Variants in DCC observed in about 807,000 individuals in gnomAD.
The protein encoded by DCC is netrin receptor DCC.
DCC carries 58 observed loss-of-function variants against 172.5 expected under a neutral mutation model. The ratio of observed to expected loss-of-function variants is 0.34; its 90% CI spans 0.27 to 0.42. The LOEUF (loss-of-function observed/expected upper bound fraction) is 0.42, where lower values mean the gene tolerates loss of function less well. Among genes scored for constraint, DCC ranks in the 10% least tolerant of loss-of-function variants. The pLI, the probability that DCC is intolerant of heterozygous loss-of-function variation, is 1.00. For missense variants in DCC, 1,740 were observed against 1,791.0 expected (o/e 0.97, Z 0.51); for synonymous variants, 709 against 644.5 (o/e 1.10, Z -1.52).
intron 15 of DCC, among the ~76,000 whole-genome samples, chr18:53,368,288 TG>T (rs2058026428): frequency 6.6e-6 from 1 of 152,168 alleles, no homozygotes; most frequent in South Asian, 2.1e-4. Context: ...TTAGGCTGTT[TG>T]TATTTGATGT....
intron 12 of DCC, among the ~76,000 whole-genome samples, chr18:53,294,291 A>G (rs958430256): frequency 1.3e-5 from 2 of 152,236 alleles, no homozygotes; most frequent in Non-Finnish European, 2.9e-5. Context: ...TTGGGGATGA[A>G]CAGGCATGGA....
intron 5 of DCC, among the ~76,000 whole-genome samples, chr18:52,941,525 T>C (rs1014619179): frequency 6.6e-6 from 1 of 151,798 alleles, no homozygotes; most frequent in African/African-American, 2.4e-5. Context: ...TACACACTTG[T>C]ATGCATATAT....
intron 2 of DCC, among the ~76,000 whole-genome samples, chr18:52,755,385 G>A (rs8086144): frequency 0.11 from 16,025 of 152,208 alleles, 2,820 homozygotes; most frequent in African/African-American, 0.37. Flanking sequence ...CCTTCGCTGT[G>A]AGATATTAAA....
At chr18:53,022,542 T>C (rs1460374170) in intron 5 of DCC, among the ~76,000 whole-genome samples, 1 of 144,560 alleles carries the variant, frequency 6.9e-6, no homozygotes, top group African/African-American at 2.6e-5. Flanking sequence ...TATATATATG[T>C]GCGTGTGTGT....
chr18:52,859,939 AAGAT>A (rs1432659496), intron 2 of DCC, among the ~76,000 whole-genome samples: 3 of 152,192 alleles, frequency 2.0e-5, no homozygotes, highest in African/African-American at 4.8e-5. Context: ...GATAAGCAAA[AAGAT>A]AAATAAATAA....
chr18:53,270,676 C>T (rs8093553), intron 12 of DCC, among the ~76,000 whole-genome samples: 5,066 of 152,068 alleles, frequency 0.033, 287 homozygotes, highest in African/African-American at 0.11. Context: ...ATTAGCCCCT[C>T]GATACCATAT....
rs534195182 is a variant in DCC at position 53,380,846 on chromosome 18, C to T, written c.2360-5197C>T. On this transcript the variant is annotated intron_variant, in intron 15 of 28. Transcript: ENST00000442544. ...CCATTGCAAGTGTGTTTACTTTTTACGGGGCTAAGCTGTTACCACTTTTTG... is the reference window on the plus strand; with the variant it reads ...CCATTGCAAGTGTGTTTACTTTTTATGGGGCTAAGCTGTTACCACTTTTTG... 5.3e-5 allele frequency among the ~76,000 whole-genome samples: 8 copies of T among 152,210 alleles called. No individual in the cohort carries two copies. The South Asian group carries it at 6.2e-4, about 12-fold the overall frequency.
chr18:53,499,350 G>T lies in DCC; in HGVS notation c.3951G>T (p.Gln1317His), dbSNP rs1598810746. 1 of 1,614,014 alleles carries T rather than the reference G, an allele frequency of 6.2e-7. No individual in the cohort carries two copies. The highest frequency in any genetic ancestry group is 8.5e-7 in the Non-Finnish European group (1 of 1,179,994). ...AACCACCTATGCTGCCCCCATCTCAGCCTGAGCATTCTAGCAGCGAGGAGG... is the reference window on the plus strand; with the variant it reads ...AACCACCTATGCTGCCCCCATCTCATCCTGAGCATTCTAGCAGCGAGGAGG... ...TQQPPMLPPS[Q>H]PEHSSSEEAP... The change falls in exon 27 of 29, where the codon CAG becomes CAT. Residue 1317 changes from glutamine to histidine, a missense_variant. By Grantham distance (24) the Gln-to-His change is conservative. This residue lies in a region of DCC where 1,732 missense variants were observed against 1,767.4 expected (regional missense o/e 0.98). Transcript: ENST00000442544.
chr18:52,423,666 CA>C (rs1181454873), intron 1 of DCC, among the ~76,000 whole-genome samples: 1 of 152,046 alleles, frequency 6.6e-6, no homozygotes, highest in Non-Finnish European at 1.5e-5. Flanking sequence ...GGGTTGTTTT[CA>C]AATCAAACTT....
chr18:52,728,662 T>C lies in DCC; in HGVS notation c.92-23392T>C, dbSNP rs1048333060. Among the ~76,000 whole-genome samples the C allele has an allele frequency of 8.5e-5, 13 of 152,338 alleles. No individual in the cohort carries two copies. The East Asian group carries it at 2.5e-3, about 29-fold the overall frequency. On this transcript the variant is annotated intron_variant, in intron 1 of 28. Transcript: ENST00000442544. ...AGTCTCTGGATGTAGAGAATTACAA[T>C]GTGCCTCTGTTATGTCATTTTATTT... is the stretch of plus-strand genomic sequence containing the variant.
chr18:52,606,102 A>G (rs1222712035), intron 1 of DCC, among the ~76,000 whole-genome samples: 1 of 152,066 alleles, frequency 6.6e-6, no homozygotes, highest in African/African-American at 2.4e-5. Flanking sequence ...CCTGGAAGTG[A>G]CCCATAGTAA....
At chr18:53,433,606 A>G (rs144131295) in intron 21 of DCC, among the ~76,000 whole-genome samples, 25 of 152,264 alleles carry the variant, frequency 1.6e-4, no homozygotes, top group Middle Eastern at 3.4e-3. Context: ...CGTTGATCTC[A>G]CGATGTCTCG....
At chr18:52,911,365 C>T (rs545134280) in intron 3 of DCC, among the ~76,000 whole-genome samples, 1 of 152,134 alleles carries the variant, frequency 6.6e-6, no homozygotes, top group Non-Finnish European at 1.5e-5. Flanking sequence ...AAGGGAAGAA[C>T]TGTCTGTACA....
chr18:53,115,470 A>C (rs1181172796), intron 7 of DCC, among the ~76,000 whole-genome samples: 1 of 151,354 alleles, frequency 6.6e-6, no homozygotes, highest in East Asian at 2.0e-4. Context: ...TAGTGACTTA[A>C]TTGAATGAAA....
At chr18:52,348,969 C>T (rs1028957570) in intron 1 of DCC, among the ~76,000 whole-genome samples, 1 of 152,070 alleles carries the variant, frequency 6.6e-6, no homozygotes, top group African/African-American at 2.4e-5. Context: ...ATTTGAGGCT[C>T]CTTATGAATC....
At chr18:53,069,517 G>C (rs764999260) in intron 7 of DCC, among the ~76,000 whole-genome samples, 1 of 151,908 alleles carries the variant, frequency 6.6e-6, no homozygotes, top group Non-Finnish European at 1.5e-5. Flanking sequence ...GGAGGGTGGC[G>C]CAGGTCAGCC....
chr18:52,965,022 T>C (rs2040906818), intron 5 of DCC: 1 of 152,186 alleles, frequency 6.6e-6, no homozygotes, highest in African/African-American at 2.4e-5. Context: ...TTTGCATCTC[T>C]CTTTTGAGGA....
chr18:53,109,897 T>G (rs17393231), intron 7 of DCC, among the ~76,000 whole-genome samples: 16,909 of 151,618 alleles, frequency 0.11, 1,067 homozygotes, highest in Non-Finnish European at 0.13. Context: ...ATTTGTTAAT[T>G]TATTTCTAGG....
At chr18:52,999,081 T>A (rs1490592829) in intron 5 of DCC, among the ~76,000 whole-genome samples, 1 of 152,102 alleles carries the variant, frequency 6.6e-6, no homozygotes, top group Admixed American at 6.6e-5. Context: ...AGCTATTGAA[T>A]GCAAAGGGAC....
Sources: gnomAD v4.1 joint callset for allele counts (sites outside exome capture counted in the v4.1 genomes callset) on GRCh38, gnomAD v4.1.1 for gene constraint, gnomAD v4.1.1 regional missense constraint, MANE v1.5 for transcripts, NCBI Gene and HGNC (gene_info 2026-07-23, HGNC 2026-07-21) for gene names.